Variants in TBC1D5 observed in about 807,000 individuals in gnomAD.
TBC1D5 encodes TBC1 domain family, member 5.
Under a neutral mutation model 100.3 loss-of-function variants are expected in TBC1D5, and 75 were observed. The ratio of observed to expected loss-of-function variants is 0.75; its 90% CI spans 0.62 to 0.91. TBC1D5 has a LOEUF of 0.91. Among genes scored for constraint, TBC1D5 ranks in the 40% least tolerant of loss-of-function variants. The pLI is 0.00. For missense variants in TBC1D5, 910 were observed against 942.4 expected, an observed-to-expected ratio of 0.97 and a Z score of 0.45; for synonymous variants, 323 against 325.6, an observed-to-expected ratio of 0.99 and a Z score of 0.09.
chr3:17,664,589 A>G (rs2067026238), intron 1 of TBC1D5, among the ~76,000 whole-genome samples: 1 of 152,186 alleles, frequency 6.6e-6, no homozygotes, highest in African/African-American at 2.4e-5. Flanking sequence ...AGGGACAGAC[A>G]AAAAGAGAGG....
At chr3:17,499,241 G>A (rs1168580077) in intron 3 of TBC1D5, among the ~76,000 whole-genome samples, 1 of 152,080 alleles carries the variant, frequency 6.6e-6, no homozygotes, top group Non-Finnish European at 1.5e-5. Context: ...TTGGGGAGGT[G>A]GAGGATTATA....
At chr3:17,449,850 A>G (rs1576028090) in intron 3 of TBC1D5, among the ~76,000 whole-genome samples, 1 of 152,356 alleles carries the variant, frequency 6.6e-6, no homozygotes, top group African/African-American at 2.4e-5. Flanking sequence ...TGAAGAGAGC[A>G]GCAAATCTCC....
At chr3:17,637,186 T>TG (rs1357207073) in intron 1 of TBC1D5, among the ~76,000 whole-genome samples, 7 of 135,916 alleles carry the variant, frequency 5.2e-5, no homozygotes, top group African/African-American at 2.0e-4. Context: ...CATGCCCGAC[T>TG]AATTTTTTTT....
At chr3:17,239,409 A>T (rs1306010070) in intron 16 of TBC1D5, among the ~76,000 whole-genome samples, 2 of 152,100 alleles carry the variant, frequency 1.3e-5, no homozygotes, top group Non-Finnish European at 2.9e-5. Context: ...TGGTGAGTAT[A>T]TGTATATGTA....
intron 16 of TBC1D5, among the ~76,000 whole-genome samples, chr3:17,251,793 C>T (rs2077207566): frequency 6.6e-6 from 1 of 152,178 alleles, no homozygotes; most frequent in Non-Finnish European, 1.5e-5. Context: ...CATTTTCCTA[C>T]TCATTCAGAA....
At chr3:17,194,426 T>C (rs1239625137) in intron 18 of TBC1D5, among the ~76,000 whole-genome samples, 1 of 152,232 alleles carries the variant, frequency 6.6e-6, no homozygotes, top group African/African-American at 2.4e-5. Context: ...AGCTCTATTA[T>C]TCTATTTAGA....
intron 14 of TBC1D5, among the ~76,000 whole-genome samples, chr3:17,302,827 C>T (rs1290992197): frequency 6.6e-6 from 1 of 152,156 alleles, no homozygotes; most frequent in East Asian, 1.9e-4. Flanking sequence ...ATGCTCAGAG[C>T]CTGGTACAGT....
chr3:17,618,830 G>T (rs911169473), intron 2 of TBC1D5, among the ~76,000 whole-genome samples: 2 of 152,338 alleles, frequency 1.3e-5, no homozygotes, highest in South Asian at 4.1e-4. Flanking sequence ...GGCTAAGAAA[G>T]GGAAATCCTC....
chr3:17,708,340 T>C (rs987319046), intron 1 of TBC1D5, among the ~76,000 whole-genome samples: 2 of 152,238 alleles, frequency 1.3e-5, no homozygotes, highest in African/African-American at 4.8e-5. Context: ...CACATATGCA[T>C]AGCACATTTT....
At chr3:17,599,380 G>A (rs2060784694) in intron 2 of TBC1D5, among the ~76,000 whole-genome samples, 1 of 152,148 alleles carries the variant, frequency 6.6e-6, no homozygotes, top group South Asian at 2.1e-4. Flanking sequence ...CCTGAAGGTC[G>A]AGAGGAGTTC....
intron 1 of TBC1D5, among the ~76,000 whole-genome samples, chr3:17,698,237 C>T (rs549055505): frequency 6.6e-5 from 10 of 152,286 alleles, no homozygotes; most frequent in Admixed American, 1.3e-4. Flanking sequence ...GAAATAACGC[C>T]GCATATCTAC....
At chr3:17,529,382 T>C (rs2096186005) in intron 2 of TBC1D5, among the ~76,000 whole-genome samples, 1 of 152,194 alleles carries the variant, frequency 6.6e-6, no homozygotes, top group African/African-American at 2.4e-5. Context: ...CTTCCTTATG[T>C]GAGGTCTTGT....
intron 19 of TBC1D5, among the ~76,000 whole-genome samples, chr3:17,174,346 T>C (rs931598725): frequency 1.3e-5 from 2 of 152,184 alleles, no homozygotes; most frequent in African/African-American, 4.8e-5. Flanking sequence ...CTATTCAAAG[T>C]ATTCTTATCA....
intron 17 of TBC1D5, among the ~76,000 whole-genome samples, chr3:17,237,468 A>T (rs1416705358): frequency 6.6e-6 from 1 of 152,200 alleles, no homozygotes; most frequent in Non-Finnish European, 1.5e-5. Flanking sequence ...GAGGGAGGTG[A>T]AGCTCTGGAA....
intron 15 of TBC1D5, among the ~76,000 whole-genome samples, chr3:17,260,420 T>C (rs1393178797): frequency 1.3e-5 from 2 of 152,174 alleles, no homozygotes; most frequent in Non-Finnish European, 2.9e-5. Flanking sequence ...CTTAAAGCCA[T>C]TATTAGGAAT....
intron 18 of TBC1D5, among the ~76,000 whole-genome samples, chr3:17,194,450 C>A (rs754249312): frequency 2.0e-5 from 3 of 152,056 alleles, no homozygotes; most frequent in Non-Finnish European, 4.4e-5. Context: ...AATTCTTAGA[C>A]CATTAGATAT....
At chr3:17,301,869 TG>T (rs1378980660) in intron 14 of TBC1D5, among the ~76,000 whole-genome samples, 3 of 152,140 alleles carry the variant, frequency 2.0e-5, no homozygotes, top group African/African-American at 7.2e-5. Flanking sequence ...AATAGTGTGG[TG>T]GGGGTATCAC....
At chr3:17,364,491 A>C (rs2091973877) in intron 13 of TBC1D5, among the ~76,000 whole-genome samples, 1 of 152,218 alleles carries the variant, frequency 6.6e-6, no homozygotes, top group South Asian at 2.1e-4. Context: ...TTATGACTAT[A>C]CAAGGCTATT....
At chr3:17,170,290 G>A (rs992664433) in intron 19 of TBC1D5, among the ~76,000 whole-genome samples, 2 of 152,178 alleles carry the variant, frequency 1.3e-5, no homozygotes, top group African/African-American at 4.8e-5. Flanking sequence ...CTGGGTAGGT[G>A]GGGGCAGCAA....
Sources: gnomAD v4.1 joint callset for allele counts (sites outside exome capture counted in the v4.1 genomes callset) on GRCh38, gnomAD v4.1.1 for gene constraint, MANE v1.5 for transcripts, NCBI Gene and HGNC (gene_info 2026-07-23, HGNC 2026-07-21) for gene names.